MAP2K1: variants seen among roughly 807,000 people sequenced by gnomAD.
The protein encoded by MAP2K1 is dual specificity mitogen-activated protein kinase kinase 1.
MAP2K1 carries 16 observed loss-of-function variants against 46.3 expected under a neutral mutation model. The observed-to-expected ratio is 0.35, with a 90% CI of 0.23 to 0.52. MAP2K1 has a LOEUF of 0.52. Among genes scored for constraint, MAP2K1 ranks in the 20% least tolerant of loss-of-function variants. The pLI is 0.94. For missense variants in MAP2K1, 263 were observed against 497.1 expected, an observed-to-expected ratio of 0.53 and a Z score of 4.48; for synonymous variants, 183 against 185.6, an observed-to-expected ratio of 0.99 and a Z score of 0.11.
At chr15:66,414,488 T>C (rs1334470374) in intron 1 of MAP2K1, among the ~76,000 whole-genome samples, 1 of 152,168 alleles carries the variant, frequency 6.6e-6, no homozygotes, top group Non-Finnish European at 1.5e-5. Context: ...GATGTAAAGC[T>C]TCTGGTGTCT....
At chr15:66,458,798 G>A (rs1241313521) in intron 5 of MAP2K1, among the ~76,000 whole-genome samples, 1 of 152,188 alleles carries the variant, frequency 6.6e-6, no homozygotes, top group Admixed American at 6.5e-5. Flanking sequence ...GGGACTACTG[G>A]TGTGATCCAC....
chr15:66,486,716 T>TC (rs1893045767), intron 7 of MAP2K1, among the ~76,000 whole-genome samples: 1 of 152,148 alleles, frequency 6.6e-6, no homozygotes, highest in Non-Finnish European at 1.5e-5. Flanking sequence ...GCCCTGTACC[T>TC]CCATGAGGTC....
intron 2 of MAP2K1, among the ~76,000 whole-genome samples, chr15:66,436,094 G>A (rs1484795324): frequency 6.6e-6 from 1 of 152,120 alleles, no homozygotes; most frequent in Non-Finnish European, 1.5e-5. Context: ...TGTTGCTTCT[G>A]TCTTTTCAAA....
At chr15:66,424,392 T>C (rs565921398) in intron 1 of MAP2K1, among the ~76,000 whole-genome samples, 102 of 152,204 alleles carry the variant, frequency 6.7e-4, no homozygotes, top group Admixed American at 5.4e-3. Context: ...TTTTGGATAT[T>C]ATGTGGTAGA....
chr15:66,440,193 G>C (rs2093500025), intron 3 of MAP2K1, among the ~76,000 whole-genome samples: 3 of 152,172 alleles, frequency 2.0e-5, no homozygotes, highest in African/African-American at 7.2e-5. Context: ...CTGGGCCCAA[G>C]TGATCTTCCC....
At chr15:66,439,959 G>A (rs1351503155) in intron 3 of MAP2K1, among the ~76,000 whole-genome samples, 1 of 149,362 alleles carries the variant, frequency 6.7e-6, no homozygotes, top group African/African-American at 2.5e-5. Flanking sequence ...AAAAATTCTA[G>A]CATGCAGGAA....
rs74649830 is a variant in MAP2K1, at chr15:66,388,793, C to T, written c.80+1366C>T. 2.5e-4 allele frequency among the ~76,000 whole-genome samples: 38 copies of T among 152,140 alleles called. 1 individual carries two copies. In the East Asian group the frequency reaches 6.9e-3, roughly 28 times the overall value. On this transcript the variant is annotated intron_variant, in intron 1 of 10. Coordinates refer to ENST00000307102, the MANE Select transcript of MAP2K1 (RefSeq NM_002755.4). ...TGTTCAGCTGTGTTTTTCAGACCTG[C>T]TCCCAACAGACTCTCTTCTTTAGTC...
chr15:66,435,317 C>A, intron 2 of MAP2K1, 80 bp downstream of exon 2: 1 of 1,150,176 alleles, frequency 8.7e-7, no homozygotes, highest in Admixed American at 1.8e-5. Context: ...AGAAGGAAGA[C>A]TGATTTTACT....
chr15:66,469,405 T>C (rs1027592853), intron 5 of MAP2K1, among the ~76,000 whole-genome samples: 1 of 151,752 alleles, frequency 6.6e-6, no homozygotes, highest in African/African-American at 2.4e-5. Context: ...GAGAGGAACT[T>C]GTTTATACTC....
chr15:66,395,219 A>G (rs777640701), intron 1 of MAP2K1, among the ~76,000 whole-genome samples: 14 of 152,310 alleles, frequency 9.2e-5, no homozygotes, highest in Non-Finnish European at 1.9e-4. Flanking sequence ...ATGAAGTTTA[A>G]TTTATAAATT....
intron 1 of MAP2K1, among the ~76,000 whole-genome samples, chr15:66,427,453 G>A (rs886254598): frequency 6.6e-6 from 1 of 151,938 alleles, no homozygotes; most frequent in African/African-American, 2.4e-5. Flanking sequence ...CAGTTGCTCA[G>A]GAGGCTGAGG....
At chr15:66,390,746 A>G (rs2093354436) in intron 1 of MAP2K1, among the ~76,000 whole-genome samples, 1 of 152,150 alleles carries the variant, frequency 6.6e-6, no homozygotes, top group Admixed American at 6.5e-5. Flanking sequence ...CAAACTCCTT[A>G]TATTGGACTA....
rs1191089664 is a variant in MAP2K1, at chr15:66,490,623, G to A, written c.*8G>A. On this transcript the variant is annotated 3_prime_UTR_variant, in exon 11 of 11. Coordinates refer to ENST00000307102, the MANE Select transcript of MAP2K1 (RefSeq NM_002755.4). ...CATGCTGCTGGCGTCTAAGTGTTTG[G>A]GAAGCAACAAAGAGCGAGTCCCCTG... The A allele has an allele frequency of 6.2e-7, 1 of 1,611,860 alleles. No homozygotes were observed. Among genetic ancestry groups the A allele is most frequent in the Non-Finnish European group, 8.5e-7 (1 of 1,177,938 alleles).
chr15:66,412,122 G>GA (rs2093412903), intron 1 of MAP2K1, among the ~76,000 whole-genome samples: 1 of 152,230 alleles, frequency 6.6e-6, no homozygotes, highest in African/African-American at 2.4e-5. Flanking sequence ...TATGTGAAAT[G>GA]AAATAGGTGA....
At position 66,421,704 on chromosome 15, in the gene MAP2K1, G is replaced by T. The variant is rs118021541; in HGVS notation, c.81-13323G>T. On this transcript the variant is annotated intron_variant, in intron 1 of 10. Coordinates refer to ENST00000307102, the MANE Select transcript of MAP2K1 (RefSeq NM_002755.4). Reference sequence around the variant, plus strand: ...AATCCCAGCTACTTGGGAGGCTGAGGTGGGAGGAACACTTGAACCAGGAGG... The same window carrying T: ...AATCCCAGCTACTTGGGAGGCTGAGTTGGGAGGAACACTTGAACCAGGAGG... Among the ~76,000 whole-genome samples, 1,472 of 151,478 alleles carry T rather than the reference G, an allele frequency of 9.7e-3. 55 individuals are homozygous for T. The highest frequency in any genetic ancestry group is 0.061 in the Admixed American group (932 of 15,212).
At chr15:66,432,398 A>G (rs1595859598) in intron 1 of MAP2K1, among the ~76,000 whole-genome samples, 2 of 152,338 alleles carry the variant, frequency 1.3e-5, no homozygotes, top group African/African-American at 4.8e-5. Flanking sequence ...TTTCCTCCAG[A>G]AGGTGTAAGA....
chr15:66,448,152 CAA>C (rs67953737), intron 5 of MAP2K1, among the ~76,000 whole-genome samples: 991 of 86,924 alleles, frequency 0.011, 6 homozygotes, highest in African/African-American at 0.024. Context: ...GACTCCATCT[CAA>C]AAAAAAAAAA....
intron 1 of MAP2K1, among the ~76,000 whole-genome samples, chr15:66,390,177 G>A (rs191275916): frequency 2.6e-5 from 4 of 152,294 alleles, no homozygotes; most frequent in Non-Finnish European, 5.9e-5. Flanking sequence ...ACTCATTGCT[G>A]TGTTACAATA....
chr15:66,387,277 G>A lies in MAP2K1; in HGVS notation c.-71G>A. The A allele has an allele frequency of 7.4e-7, 1 of 1,342,954 alleles. No homozygotes were observed. Among genetic ancestry groups the A allele is most frequent in the Non-Finnish European group, 1.0e-6 (1 of 959,532 alleles). The allele number at this position is 1,342,954 out of a possible 1,614,324, so 83.2% of individuals were successfully genotyped here. A position where few individuals can be genotyped will look rare whatever the true frequency, so the allele number is the denominator to read the frequency against. ...CTTGGTCCTGCGCAGCGGGCGCGGG[G>A]CAGCGCAGCGGGAGGAAGCGAGAGG... is the stretch of plus-strand genomic sequence containing the variant. On this transcript the variant is annotated 5_prime_UTR_variant, in exon 1 of 11. Coordinates refer to ENST00000307102, the MANE Select transcript of MAP2K1 (RefSeq NM_002755.4).
Sources: allele counts gnomAD v4.1 joint callset (sites outside exome capture counted in the v4.1 genomes callset), GRCh38; gene constraint gnomAD v4.1.1; transcripts MANE v1.5; gene names NCBI Gene and HGNC (gene_info 2026-07-23, HGNC 2026-07-21).